The following ODF2 variants were observed in gnomAD, a reference collection of about 807,000 sequenced individuals.
ODF2 encodes outer dense fiber of sperm tails 2, also known as outer dense fiber protein 2.
ODF2 carries 47 observed loss-of-function variants against 110.2 expected under a neutral mutation model. The ratio of observed to expected loss-of-function variants is 0.43; its 90% CI spans 0.34 to 0.54. The LOEUF (loss-of-function observed/expected upper bound fraction) is 0.54, where lower values mean the gene tolerates loss of function less well. ODF2 is among the 20% of genes least tolerant of loss of function. The probability of loss-of-function intolerance (pLI) is 0.03; values close to 1 mark genes in which losing one functional copy is unlikely to be tolerated. For missense variants in ODF2, 812 were observed against 1,054.5 expected (o/e 0.77, Z 3.19); for synonymous variants, 352 against 397.7 (o/e 0.89, Z 1.37).
chr9:128,487,849 A>G, intron 13 of ODF2, 41 bp from the exon 14 acceptor site: 1 of 1,608,592 alleles, frequency 6.2e-7, no homozygotes. Flanking sequence ...AAACCTGTGT[A>G]ATTGATTCTC....
chr9:128,473,141 T>G (rs1840442957), intron 7 of ODF2, 99 bp downstream of exon 7: 31 of 1,556,858 alleles, frequency 2.0e-5, no homozygotes, highest in Non-Finnish European at 2.5e-5. Flanking sequence ...GCAGACTTTA[T>G]GACATCTTCA....
intron 17 of ODF2, among the ~76,000 whole-genome samples, chr9:128,495,792 C>T (rs1252818961): frequency 2.6e-5 from 4 of 152,126 alleles, no homozygotes; most frequent in Admixed American, 1.3e-4. Context: ...CTCCCCTGAT[C>T]GAGAAAGCAT....
chr9:128,490,408 A>G (rs963612168), intron 14 of ODF2, among the ~76,000 whole-genome samples: 2 of 151,726 alleles, frequency 1.3e-5, no homozygotes, highest in Non-Finnish European at 2.9e-5. Context: ...TCAGCCTCCC[A>G]AGTAGCTGGG....
At chr9:128,478,551 T>C (rs994011488) in intron 8 of ODF2, among the ~76,000 whole-genome samples, 5 of 150,956 alleles carry the variant, frequency 3.3e-5, no homozygotes, top group African/African-American at 1.2e-4. Flanking sequence ...TGAGCCAAGA[T>C]CATGCCACTG....
rs1839165001 is a variant in ODF2 at position 128,469,481 on chromosome 9, G to A, written c.420+128G>A. 3 of 953,016 alleles carry A rather than the reference G, an allele frequency of 3.1e-6. No homozygotes were observed. The South Asian group carries it at 4.3e-5, about 14-fold the overall frequency. 59.0% of individuals were successfully genotyped at this position (953,016 alleles called of 1,614,324 possible). On this transcript the variant is annotated intron_variant, in intron 5 of 20. Coordinates refer to ENST00000604420, the Ensembl canonical transcript of ODF2. ...AGGCCTCCTCTGCAGGGTTGCCCCGGGCTTCAGTTGCCTGCCCCGGGAGGT... is the reference window on the plus strand; with the variant it reads ...AGGCCTCCTCTGCAGGGTTGCCCCGAGCTTCAGTTGCCTGCCCCGGGAGGT...
At chr9:128,487,317 G>A (rs757848910) in intron 13 of ODF2, among the ~76,000 whole-genome samples, 25 of 152,284 alleles carry the variant, frequency 1.6e-4, no homozygotes, top group Non-Finnish European at 3.7e-4. Flanking sequence ...AGGTATGGGA[G>A]ACACATCTTA....
exon 21 of ODF2, chr9:128,500,263 T>C (rs1307816890): frequency 2.0e-5 from 33 of 1,613,728 alleles, no homozygotes; most frequent in Non-Finnish European, 2.7e-5. Flanking sequence ...TGAGGCCACT[T>C]ATCAGGGCCT....
chr9:128,501,188 G>A (rs776053119), downstream of ODF2: 1 of 152,198 alleles, frequency 6.6e-6, no homozygotes, highest in African/African-American at 2.4e-5. Context: ...GTGTTTTAGG[G>A]TAGATCACTT....
intron 8 of ODF2, among the ~76,000 whole-genome samples, chr9:128,479,340 G>A (rs1235867640): frequency 2.0e-5 from 3 of 152,180 alleles, no homozygotes; most frequent in African/African-American, 7.2e-5. Context: ...GAGAAAATGG[G>A]CCAGGGCAGG....
At chr9:128,457,021 C>T in intron 1 of ODF2, 1 of 1,276,356 alleles carries the variant, frequency 7.8e-7, no homozygotes. Flanking sequence ...GCGGTTCTCA[C>T]CCGCCCTCTC....
rs1043988567 is a variant in ODF2, at chr9:128,494,950, C to T, written c.1911+282C>T. On this transcript the variant is annotated intron_variant, in intron 17 of 20. Transcript: ENST00000604420. The surrounding 1 kb of genome is among the most constrained non-coding windows in gnomAD (Gnocchi z 4.6). Reference sequence around the variant, plus strand: ...GACTGCTGCCTCTGCCTGTGTGCTCCGCAGCTGTCCTCAGCTCCACACCCA... The same window carrying T: ...GACTGCTGCCTCTGCCTGTGTGCTCTGCAGCTGTCCTCAGCTCCACACCCA... The T allele has an allele frequency of 4.5e-5, 39 of 867,614 alleles. No individual in the cohort carries two copies. The highest frequency in any genetic ancestry group is 8.4e-5 in the East Asian group (3 of 35,924). 53.7% of individuals were successfully genotyped at this position (867,614 alleles called of 1,614,324 possible).
intron 3 of ODF2, chr9:128,460,258 T>C: frequency 7.4e-7 from 1 of 1,347,174 alleles, no homozygotes; most frequent in Non-Finnish European, 9.7e-7. Context: ...GATCCAGCCC[T>C]AAGAACCCTG....
At chr9:128,469,292 T>A in exon 5 of ODF2, 1 of 1,614,148 alleles carries the variant, frequency 6.2e-7, no homozygotes, top group Non-Finnish European at 8.5e-7. Context: ...CACTGTAAAA[T>A]GAACCGTTAT....
chr9:128,488,761 T>C (rs1052313895), intron 14 of ODF2, among the ~76,000 whole-genome samples: 9 of 152,240 alleles, frequency 5.9e-5, no homozygotes, highest in Non-Finnish European at 1.2e-4. Flanking sequence ...CCCAGCACTT[T>C]GGGAGGCTGA....
exon 21 of ODF2, chr9:128,500,254 G>A: frequency 6.2e-7 from 1 of 1,614,060 alleles, no homozygotes; most frequent in East Asian, 2.2e-5. Flanking sequence ...CCTCCTGCCT[G>A]AGGCCACTTA....
chr9:128,500,369 G>A, exon 21 of ODF2: 2 of 1,012,348 alleles, frequency 2.0e-6, no homozygotes, highest in Admixed American at 2.2e-5. Context: ...TGGGTTCAGG[G>A]TCTTGTCCTT....
At chr9:128,497,437 AAAAAAAAAAATATAT>A (rs2099380910) in intron 18 of ODF2, 2 of 97,480 alleles carry the variant, frequency 2.1e-5, no homozygotes, top group African/African-American at 1.1e-4. Flanking sequence ...AAAAAAAAAA[AAAAAAAAAAATATAT>A]ATATATATAT....
chr9:128,500,869 T>C (rs949087672), downstream of ODF2: 2 of 152,212 alleles, frequency 1.3e-5, no homozygotes, highest in Non-Finnish European at 2.9e-5. Context: ...ATTTCATTGA[T>C]TTTTGTTTCT....
intron 8 of ODF2, among the ~76,000 whole-genome samples, chr9:128,477,816 C>G (rs1841624630): frequency 6.6e-6 from 1 of 151,794 alleles, no homozygotes; most frequent in Non-Finnish European, 1.5e-5. Context: ...CCAGCCTGGT[C>G]TCAAACTCCT....
Sources: allele counts gnomAD v4.1 joint callset (sites outside exome capture counted in the v4.1 genomes callset), GRCh38; gene constraint gnomAD v4.1.1; non-coding constraint Gnocchi (gnomAD v3.1); transcripts MANE v1.5; gene names NCBI Gene and HGNC (gene_info 2026-07-23, HGNC 2026-07-21).